The following PDE3A variants were observed in gnomAD, a reference collection of about 807,000 sequenced individuals.
PDE3A encodes cGMP-inhibited 3',5'-cyclic phosphodiesterase 3A.
Under a neutral mutation model 98.3 loss-of-function variants are expected in PDE3A, and 43 were observed. The observed-to-expected ratio is 0.44, with a 90% CI of 0.34 to 0.56. The LOEUF (loss-of-function observed/expected upper bound fraction) is 0.56. Ranked by LOEUF, PDE3A falls within the 20% of genes least tolerant of loss-of-function variation. The probability of loss-of-function intolerance (pLI) is 0.01; values close to 1 mark genes in which losing one functional copy is unlikely to be tolerated. For synonymous variants in PDE3A, 663 were observed against 567.9 expected, an observed-to-expected ratio of 1.17 and a Z score of -2.38; for missense variants, 1,427 against 1,440.7, an observed-to-expected ratio of 0.99 and a Z score of 0.15.
At chr12:20,463,034 A>T (rs569096927) in intron 1 of PDE3A, among the ~76,000 whole-genome samples, 1 of 152,228 alleles carries the variant, frequency 6.6e-6, no homozygotes, top group South Asian at 2.1e-4. Flanking sequence ...GGCCCCCGCA[A>T]AGTGCTGGGA....
Position 20,371,377 on chromosome 12 carries a change from AT to A in PDE3A, c.960+1134del, listed in dbSNP as rs536612781. The A allele has an allele frequency of 4.1e-6, 4 of 985,072 alleles. No homozygotes were observed. In the South Asian group the frequency reaches 1.9e-4, roughly 46 times the overall value. The allele number at this position is 985,072 out of a possible 1,614,324, so 61.0% of individuals were successfully genotyped here. On this transcript the variant is annotated intron_variant, in intron 1 of 15. Coordinates refer to ENST00000359062, the MANE Select transcript of PDE3A (RefSeq NM_000921.5). ...TTGATGGGGAGGAGGAGCTGGTTGGATACAGCAAGTGGAAATTTACATTTTT... is the reference window on the plus strand; with the variant it reads ...TTGATGGGGAGGAGGAGCTGGTTGGAACAGCAAGTGGAAATTTACATTTTT...
At chr12:20,532,770 G>A (rs1221933241) in intron 1 of PDE3A, among the ~76,000 whole-genome samples, 2 of 148,008 alleles carry the variant, frequency 1.4e-5, no homozygotes, top group African/African-American at 5.0e-5. Context: ...CTCACTGCAA[G>A]CTCCGCCTCC....
intron 2 of PDE3A, chr12:20,556,965 C>T: frequency 2.2e-6 from 1 of 454,960 alleles, no homozygotes; most frequent in Non-Finnish European, 3.9e-6. Context: ...TTATATTCAT[C>T]TTGTCTCGGC....
At chr12:20,637,505 C>T (rs547308899) in intron 9 of PDE3A, among the ~76,000 whole-genome samples, 3 of 151,888 alleles carry the variant, frequency 2.0e-5, no homozygotes, top group Non-Finnish European at 4.4e-5. Flanking sequence ...AAGGGACAAA[C>T]GATCTAGAAT....
intron 2 of PDE3A, among the ~76,000 whole-genome samples, chr12:20,572,681 C>T (rs1263054916): frequency 2.6e-5 from 4 of 151,904 alleles, no homozygotes; most frequent in African/African-American, 9.7e-5. Context: ...TATAATACCC[C>T]GTCACAGTAG....
Position 20,457,315 on chromosome 12 carries a change from C to T in PDE3A, c.960+87071C>T, listed in dbSNP as rs576059292. On this transcript the variant is annotated intron_variant, in intron 1 of 15. Transcript: ENST00000359062. ...CATTTAGTTTTGCTCTTAATATTAA[C>T]ATTGCTATACTGAGACCTTAAATTT... Among the ~76,000 whole-genome samples the T allele has an allele frequency of 2.1e-3, 321 of 151,090 alleles. 2 individuals are homozygous for T. Among genetic ancestry groups the T allele is most frequent in the Middle Eastern group, 7.0e-3 (2 of 286 alleles).
At chr12:20,659,906 G>A (rs577177232) in intron 15 of PDE3A, among the ~76,000 whole-genome samples, 1 of 152,328 alleles carries the variant, frequency 6.6e-6, no homozygotes, top group South Asian at 2.1e-4. Flanking sequence ...TTTACTGAAT[G>A]CTTTAGTAAA....
chr12:20,638,783 C>T (rs1056310114), intron 9 of PDE3A, among the ~76,000 whole-genome samples: 1 of 151,950 alleles, frequency 6.6e-6, no homozygotes, highest in Admixed American at 6.6e-5. Context: ...AGAGACACAT[C>T]TCATCTCATT....
rs74066232 is a variant in PDE3A, at chr12:20,653,789, A to G, written c.2926-158A>G. On this transcript the variant is annotated intron_variant, in intron 14 of 15. Coordinates refer to ENST00000359062, the MANE Select transcript of PDE3A (RefSeq NM_000921.5). ...GCAAAAACCTCAAGTTCAGAAAAGT[A>G]CTAATTAGCAACAGTGTTTCTATAG... Among the ~76,000 whole-genome samples, 7,156 of 152,296 alleles carry G rather than the reference A, an allele frequency of 0.047. 303 individuals are homozygous for G. The highest frequency in any genetic ancestry group is 0.11 in the African/African-American group (4,451 of 41,552).
At chr12:20,605,675 G>A (rs1224267439) in intron 2 of PDE3A, among the ~76,000 whole-genome samples, 1 of 152,066 alleles carries the variant, frequency 6.6e-6, no homozygotes, top group African/African-American at 2.4e-5. Context: ...GTTTGGTTTT[G>A]GAAGTCATCA....
intron 1 of PDE3A, among the ~76,000 whole-genome samples, chr12:20,426,216 C>T (rs760672780): frequency 4.6e-5 from 7 of 152,140 alleles, no homozygotes; most frequent in Non-Finnish European, 8.8e-5. Flanking sequence ...GGCAACTACA[C>T]ATCTGAGTTC....
chr12:20,686,020 ACT>A lies in PDE3A; in HGVS notation c.*5750_*5751del, dbSNP rs1455477385. On this transcript the variant is annotated 3_prime_UTR_variant, in exon 16 of 16. Coordinates refer to ENST00000359062, the MANE Select transcript of PDE3A (RefSeq NM_000921.5). ...AACCCACAAAATGACATTCCGTGGT[ACT>A]GAGTATTTTCACATAATCAGAACTG... Among the ~76,000 whole-genome samples the A allele has an allele frequency of 3.3e-5, 5 of 152,308 alleles. No homozygotes were observed. The East Asian group carries it at 9.6e-4, about 29-fold the overall frequency.
chr12:20,534,473 A>G (rs2121198628), intron 1 of PDE3A, among the ~76,000 whole-genome samples: 1 of 152,144 alleles, frequency 6.6e-6, no homozygotes, highest in East Asian at 1.9e-4. Flanking sequence ...CAATATATTG[A>G]TCTCCCTTAA....
intron 1 of PDE3A, among the ~76,000 whole-genome samples, chr12:20,386,476 G>T (rs1943808367): frequency 6.6e-6 from 1 of 150,754 alleles, no homozygotes; most frequent in South Asian, 2.1e-4. Flanking sequence ...TTTTAATGGG[G>T]TTGGGGTTGT....
chr12:20,564,271 T>G (rs1465997342), intron 2 of PDE3A, among the ~76,000 whole-genome samples: 3 of 152,106 alleles, frequency 2.0e-5, no homozygotes, highest in Non-Finnish European at 4.4e-5. Context: ...GGAATCAAAT[T>G]TGCTTCTAGA....
chr12:20,619,408 TGTAAG>T (rs1466575754), intron 4 of PDE3A, among the ~76,000 whole-genome samples: 31 of 152,098 alleles, frequency 2.0e-4, no homozygotes, highest in African/African-American at 7.5e-4. Context: ...ATTCAGTTAC[TGTAAG>T]GCATTGTCTT....
intron 1 of PDE3A, among the ~76,000 whole-genome samples, chr12:20,377,062 A>AGTGTGTGTATGTGCATGTGC (rs1181627876): frequency 2.0e-5 from 3 of 151,670 alleles, no homozygotes; most frequent in Non-Finnish European, 4.4e-5. Context: ...TGTTTGCTGA[A>AGTGTGTGTATGTGCATGTGC]GTGTGTGTAT....
intron 1 of PDE3A, among the ~76,000 whole-genome samples, chr12:20,541,796 C>T (rs374548132): frequency 6.6e-6 from 1 of 152,010 alleles, no homozygotes; most frequent in Non-Finnish European, 1.5e-5. Flanking sequence ...TCAAATGGGT[C>T]ATGGACCCGT....
At chr12:20,415,425 T>A (rs372377922) in intron 1 of PDE3A, among the ~76,000 whole-genome samples, 2 of 139,640 alleles carry the variant, frequency 1.4e-5, no homozygotes, top group African/African-American at 2.5e-5. Context: ...TATTTATATT[T>A]TTTATTTTTT....
Sources: gnomAD v4.1 joint callset for allele counts (sites outside exome capture counted in the v4.1 genomes callset) on GRCh38, gnomAD v4.1.1 for gene constraint, MANE v1.5 for transcripts, NCBI Gene and HGNC (gene_info 2026-07-23, HGNC 2026-07-21) for gene names.